Variants in AGAP1 observed in about 807,000 individuals in gnomAD.
AGAP1 encodes the protein ArfGAP with GTPase domain, ankyrin repeat and PH domain 1, also known as arf-GAP with GTPase, ANK repeat and PH domain-containing protein 1.
Under a neutral mutation model 105.3 loss-of-function variants are expected in AGAP1, and 29 were observed. The observed-to-expected ratio is 0.28, with a 90% CI of 0.21 to 0.38. AGAP1 has a LOEUF of 0.38. AGAP1 is among the 10% of genes least tolerant of loss of function. The pLI, the probability that AGAP1 is intolerant of heterozygous loss-of-function variation, is 1.00. For missense variants in AGAP1, 998 were observed against 1,165.1 expected, an observed-to-expected ratio of 0.86 and a Z score of 2.09; for synonymous variants, 509 against 485.9, an observed-to-expected ratio of 1.05 and a Z score of -0.63.
chr2:235,532,859 G>A (rs574994055), intron 1 of AGAP1, among the ~76,000 whole-genome samples: 3 of 152,270 alleles, frequency 2.0e-5, no homozygotes, highest in African/African-American at 4.8e-5. Context: ...ATGGTCCTTA[G>A]CAGTGACTGT....
At chr2:236,022,270 G>A (rs1386080454) in intron 13 of AGAP1, among the ~76,000 whole-genome samples, 1 of 152,040 alleles carries the variant, frequency 6.6e-6, no homozygotes, top group Non-Finnish European at 1.5e-5. Flanking sequence ...TTGACCTGTG[G>A]GGATTTGCTT....
rs1374421017 is a variant in AGAP1 at position 235,957,693 on chromosome 2, A to AT, written c.1484-10766dup. ...GGATGGCAAAGGTGGCCTGTTCTTT[A>AT]TTTACCGGCCTACACATCTCTGTAA... On this transcript the variant is annotated intron_variant, in intron 12 of 17. Coordinates refer to ENST00000304032, the MANE Select transcript of AGAP1 (RefSeq NM_001037131.3). This position sits in a 1 kb window ranked among gnomAD's most constrained non-coding sequence, Gnocchi z 4.6. 6.6e-6 allele frequency among the ~76,000 whole-genome samples: 1 copy of AT among 152,148 alleles called. No individual in the cohort carries two copies. The highest frequency in any genetic ancestry group is 2.4e-5 in the African/African-American group (1 of 41,418).
At chr2:235,929,436 A>G (rs1228838325) in intron 11 of AGAP1, among the ~76,000 whole-genome samples, 1 of 152,152 alleles carries the variant, frequency 6.6e-6, no homozygotes, top group African/African-American at 2.4e-5. Flanking sequence ...AGACCTGCCT[A>G]TGAATAATTT....
chr2:235,543,740 C>T (rs528281378), intron 1 of AGAP1, among the ~76,000 whole-genome samples: 7 of 152,160 alleles, frequency 4.6e-5, no homozygotes, highest in Non-Finnish European at 7.4e-5. Context: ...GAAACCACCT[C>T]GGGCCTGTGC....
intron 16 of AGAP1, among the ~76,000 whole-genome samples, chr2:236,112,058 C>G (rs1023851802): frequency 6.6e-6 from 1 of 152,162 alleles, no homozygotes; most frequent in African/African-American, 2.4e-5. Flanking sequence ...AAGACAGAGC[C>G]CGGTGCAGCC....
chr2:235,690,616 C>A lies in AGAP1; in HGVS notation c.164-18563C>A, dbSNP rs1022502550. Among the ~76,000 whole-genome samples the A allele has an allele frequency of 2.6e-5, 4 of 152,120 alleles. No individual in the cohort carries two copies. Among genetic ancestry groups the A allele is most frequent in the Admixed American group, 6.5e-5 (1 of 15,284 alleles). ...GCTAAAGCTGAGAGCTACAGCAGAGCGTCTGCTTGAGGAGCTCTGACGGGC... is the reference window on the plus strand; with the variant it reads ...GCTAAAGCTGAGAGCTACAGCAGAGAGTCTGCTTGAGGAGCTCTGACGGGC... On this transcript the variant is annotated intron_variant, in intron 1 of 17. Transcript: ENST00000304032. The surrounding 1 kb of genome is among the most constrained non-coding windows in gnomAD (Gnocchi z 4.1).
chr2:236,002,065 T>A lies in AGAP1; in HGVS notation c.1645+33442T>A, dbSNP rs578244734. On this transcript the variant is annotated intron_variant, in intron 13 of 17. Transcript: ENST00000304032. The surrounding 1 kb of genome is among the most constrained non-coding windows in gnomAD (Gnocchi z 4.3). ...GAGAAACAGCTAGACTTGGGATGTC[T>A]GTGTTGACAGGGCCATGGGTGAGAA... 2.0e-5 allele frequency among the ~76,000 whole-genome samples: 3 copies of A among 152,316 alleles called. No homozygotes were observed. In the East Asian group the frequency reaches 5.8e-4, roughly 29 times the overall value.
rs574418290 is a variant in AGAP1, at chr2:235,574,849, G to A, written c.163+80000G>A. Among the ~76,000 whole-genome samples, 8 of 152,292 alleles carry A rather than the reference G, an allele frequency of 5.3e-5. 1 individual carries two copies. The highest frequency in any genetic ancestry group is 1.7e-4 in the African/African-American group (7 of 41,578). On this transcript the variant is annotated intron_variant, in intron 1 of 17. Transcript: ENST00000304032. The surrounding 1 kb of genome is among the most constrained non-coding windows in gnomAD (Gnocchi z 5.0). ...AATCTAAACTTTGTTGAGGCTGGGC[G>A]CAGTGGAGCACGCGTGTAATTCTAG... is the stretch of plus-strand genomic sequence containing the variant.
At chr2:235,604,774 G>A (rs1332366846) in intron 1 of AGAP1, among the ~76,000 whole-genome samples, 1 of 151,408 alleles carries the variant, frequency 6.6e-6, no homozygotes, top group East Asian at 2.0e-4. Context: ...AGTAGAGATG[G>A]GGTTTCACCA....
intron 1 of AGAP1, among the ~76,000 whole-genome samples, chr2:235,568,120 C>G (rs1944405720): frequency 6.6e-6 from 1 of 152,124 alleles, no homozygotes; most frequent in Non-Finnish European, 1.5e-5. Context: ...CTAGTGCCCT[C>G]AGGGACCCTG....
At position 235,845,607 on chromosome 2, in the gene AGAP1, C is replaced by T. The variant is rs1018612067; in HGVS notation, c.1051-37738C>T. ...TTCCAGTTATTCCTTTCCTGACCCC[C>T]CCCCCGATCTGCTTTTTAATTTCTC... On this transcript the variant is annotated intron_variant, in intron 9 of 17. Coordinates refer to ENST00000304032, the MANE Select transcript of AGAP1 (RefSeq NM_001037131.3). This position sits in a 1 kb window ranked among gnomAD's most constrained non-coding sequence, Gnocchi z 4.8. 6.6e-6 allele frequency among the ~76,000 whole-genome samples: 1 copy of T among 151,620 alleles called. No individual in the cohort carries two copies. Among genetic ancestry groups the T allele is most frequent in the Non-Finnish European group, 1.5e-5 (1 of 67,910 alleles).
At chr2:235,499,469 C>A (rs181389238) in intron 1 of AGAP1, among the ~76,000 whole-genome samples, 1 of 152,302 alleles carries the variant, frequency 6.6e-6, no homozygotes. Flanking sequence ...CATAATCCTT[C>A]AAGTTGAATG....
intron 16 of AGAP1, among the ~76,000 whole-genome samples, chr2:236,100,462 A>G (rs1457473054): frequency 1.3e-5 from 2 of 152,120 alleles, no homozygotes; most frequent in African/African-American, 4.8e-5. Context: ...TACACAGCCA[A>G]ACTTAGGGGG....
intron 1 of AGAP1, among the ~76,000 whole-genome samples, chr2:235,495,378 C>T (rs972690186): frequency 7.9e-5 from 12 of 152,244 alleles, no homozygotes; most frequent in African/African-American, 2.9e-4. Context: ...GAGAGCCAGC[C>T]CTAGCCGCGG....
chr2:235,856,624 G>C (rs1243682104), intron 9 of AGAP1, among the ~76,000 whole-genome samples: 1 of 152,278 alleles, frequency 6.6e-6, no homozygotes, highest in Non-Finnish European at 1.5e-5. Flanking sequence ...ACCAGTTCCT[G>C]TGACTGGGGC....
At chr2:236,022,522 G>A (rs950733855) in intron 13 of AGAP1, among the ~76,000 whole-genome samples, 1 of 152,046 alleles carries the variant, frequency 6.6e-6, no homozygotes, top group Non-Finnish European at 1.5e-5. Context: ...TATTCTCCAG[G>A]CTTGCCTACA....
chr2:236,008,218 A>G (rs1304899517), intron 13 of AGAP1, among the ~76,000 whole-genome samples: 1 of 152,152 alleles, frequency 6.6e-6, no homozygotes, highest in Non-Finnish European at 1.5e-5. Context: ...CTGGGGCCCA[A>G]CCACACCCAA....
chr2:235,890,154 G>A (rs1490350163), intron 10 of AGAP1, among the ~76,000 whole-genome samples: 1 of 141,820 alleles, frequency 7.1e-6, no homozygotes, highest in Non-Finnish European at 1.5e-5. Context: ...TTCCACTGTA[G>A]TTATTCCCTT....
chr2:235,521,419 ACTCT>A (rs1030483651), intron 1 of AGAP1, among the ~76,000 whole-genome samples: 8 of 146,592 alleles, frequency 5.5e-5, no homozygotes, highest in African/African-American at 2.1e-4. Context: ...AAATTCAAAG[ACTCT>A]CTCTTTGTCA....
Sources: gnomAD v4.1 joint callset for allele counts (sites outside exome capture counted in the v4.1 genomes callset) on GRCh38, gnomAD v4.1.1 for gene constraint, Gnocchi (gnomAD v3.1) non-coding constraint, MANE v1.5 for transcripts, NCBI Gene and HGNC (gene_info 2026-07-23, HGNC 2026-07-21) for gene names.